Variants in PUS10 observed in about 807,000 individuals in gnomAD.
The protein encoded by PUS10 is tRNA pseudouridine synthase Pus10.
In PUS10, 59 loss-of-function variants were observed where a neutral mutation model predicts 75.0. That is an observed-to-expected ratio of 0.79 (90% confidence interval 0.64 to 0.98). PUS10 has a LOEUF of 0.98. PUS10 is among the 50% of genes least tolerant of loss of function. The pLI, the probability that PUS10 is intolerant of heterozygous loss-of-function variation, is 0.00. For synonymous variants in PUS10, 219 were observed against 211.6 expected (o/e 1.03, Z -0.30); for missense variants, 650 against 614.4 (o/e 1.06, Z -0.61).
chr2:61,003,506 G>A (rs997765676), intron 4 of PUS10, among the ~76,000 whole-genome samples: 1 of 150,790 alleles, frequency 6.6e-6, no homozygotes, highest in East Asian at 2.0e-4. Context: ...GGGATTCGTA[G>A]AACCAATAAT....
At chr2:61,006,236 G>T (rs1213300537) in intron 4 of PUS10, among the ~76,000 whole-genome samples, 3 of 152,102 alleles carry the variant, frequency 2.0e-5, no homozygotes, top group African/African-American at 7.2e-5. Flanking sequence ...AAAGATCTCT[G>T]GAAACCTAGT....
intron 4 of PUS10, among the ~76,000 whole-genome samples, chr2:60,979,105 ACATACACATACACATAC>A (rs1237149369): frequency 3.2e-5 from 1 of 31,218 alleles, no homozygotes; most frequent in Admixed American, 2.6e-4. Context: ...TTCTCCCAAC[ACATACACATACACATAC>A]ACATACACAT....
Position 60,941,468 on chromosome 2 carries a change from G to T in PUS10, c.*927C>A, listed in dbSNP as rs1674623602. 6.6e-6 allele frequency: 1 copy of T among 152,134 alleles called. No individual in the cohort carries two copies. Among genetic ancestry groups the T allele is most frequent in the Admixed American group, 6.5e-5 (1 of 15,272 alleles). The allele number at this position is 152,134 out of a possible 1,614,324, so 9.4% of individuals were successfully genotyped here. A position where few individuals can be genotyped will look rare whatever the true frequency, so the allele number is the denominator to read the frequency against. The stretch of plus-strand genomic sequence containing the variant: ...AATATAGAAGTAGCTAACAATTTTG[G>T]ATAAGTCATTTAACTTCTAGTCTTT... On this transcript the variant is annotated 3_prime_UTR_variant, in exon 18 of 18. Transcript: ENST00000316752.
intron 9 of PUS10, 35 bp from the exon 10 acceptor site, chr2:60,961,583 AG>A (rs1445888600): frequency 2.6e-6 from 4 of 1,539,692 alleles, no homozygotes; most frequent in Admixed American, 1.7e-5. Context: ...GCTATTTTCC[AG>A]ACATAATATT....
intron 4 of PUS10, among the ~76,000 whole-genome samples, chr2:60,999,048 AATGGACTAAGC>A (rs570808146): frequency 9.7e-4 from 148 of 152,362 alleles, no homozygotes; most frequent in Non-Finnish European, 1.6e-3. Flanking sequence ...ATTTAAAGTC[AATGGACTAAGC>A]AAACTGTTTC....
chr2:60,979,467 G>A (rs916331479), intron 4 of PUS10, among the ~76,000 whole-genome samples: 1 of 152,026 alleles, frequency 6.6e-6, no homozygotes, highest in African/African-American at 2.4e-5. Flanking sequence ...AGAGGAAGGG[G>A]GAATATTTTC....
chr2:60,972,137 G>A (rs1299594988), intron 4 of PUS10, among the ~76,000 whole-genome samples: 1 of 143,554 alleles, frequency 7.0e-6, no homozygotes, highest in African/African-American at 2.5e-5. Flanking sequence ...CCAAAGTGCT[G>A]GGATTACAGG....
intron 11 of PUS10, among the ~76,000 whole-genome samples, chr2:60,959,658 G>A (rs973274213): frequency 2.0e-5 from 3 of 152,078 alleles, no homozygotes; most frequent in African/African-American, 7.2e-5. Flanking sequence ...CAGAGTGCTG[G>A]GATTGCAGGT....
chr2:60,943,771 TG>T (rs1430622986), intron 17 of PUS10, among the ~76,000 whole-genome samples: 3 of 151,520 alleles, frequency 2.0e-5, no homozygotes, highest in Non-Finnish European at 4.4e-5. Flanking sequence ...CTTGTGTGTG[TG>T]TGTGTGTGTG....
At chr2:60,971,375 T>C (rs1235136279) in intron 5 of PUS10, 148 bp downstream of exon 5, 3 of 715,440 alleles carry the variant, frequency 4.2e-6, no homozygotes, top group Non-Finnish European at 5.1e-6. Context: ...ACCCTAAATG[T>C]ATAGAATAAA....
chr2:61,008,079 A>G (rs901524605), intron 3 of PUS10, among the ~76,000 whole-genome samples: 1 of 147,092 alleles, frequency 6.8e-6, no homozygotes, highest in Non-Finnish European at 1.5e-5. Flanking sequence ...TCTGTCTCCA[A>G]AAAAAAAAAA....
chr2:61,005,012 T>C (rs932470953), intron 4 of PUS10, among the ~76,000 whole-genome samples: 12 of 152,196 alleles, frequency 7.9e-5, no homozygotes, highest in African/African-American at 2.7e-4. Context: ...CCCAGCACTC[T>C]GGGAGGCCGA....
intron 4 of PUS10, among the ~76,000 whole-genome samples, chr2:60,989,425 G>C (rs1464311663): frequency 6.6e-6 from 1 of 152,132 alleles, no homozygotes; most frequent in African/African-American, 2.4e-5. Context: ...ACTTCACTGA[G>C]TAAACATAGG....
chr2:61,008,396 C>T (rs188337721), intron 3 of PUS10, among the ~76,000 whole-genome samples: 22 of 151,710 alleles, frequency 1.5e-4, no homozygotes, highest in Admixed American at 2.6e-4. Flanking sequence ...GAGGCTGAGG[C>T]AGGACAATTG....
chr2:60,965,681 C>A, intron 6 of PUS10, 197 bp from the exon 7 acceptor site: 1 of 427,656 alleles, frequency 2.3e-6, no homozygotes, highest in South Asian at 4.4e-5. Flanking sequence ...TTTTTAACTT[C>A]TAAAACTCAG....
At chr2:61,004,628 CAAAAAAAAAAA>C (rs70959883) in intron 4 of PUS10, among the ~76,000 whole-genome samples, 1 of 67,284 alleles carries the variant, frequency 1.5e-5, no homozygotes, top group Non-Finnish European at 2.8e-5. Context: ...GACTCCGTCT[CAAAAAAAAAAA>C]AAAAAAAAAA....
intron 16 of PUS10, among the ~76,000 whole-genome samples, chr2:60,947,828 C>CAAAAAAAAAAAAAAA (rs890632119): frequency 1.1e-4 from 5 of 46,026 alleles, no homozygotes; most frequent in South Asian, 7.5e-4. Flanking sequence ...GACTCTGCCT[C>CAAAAAAAAAAAAAAA]AAAAAAAAAA....
At chr2:61,004,739 C>T (rs1679095206) in intron 4 of PUS10, among the ~76,000 whole-genome samples, 1 of 151,438 alleles carries the variant, frequency 6.6e-6, no homozygotes, top group South Asian at 2.1e-4. Context: ...GAGTATACTG[C>T]ATATAAAACT....
rs372163151 is a variant in PUS10 at position 61,011,829 on chromosome 2, C to T, written c.62G>A (p.Cys21Tyr). 1.1e-5 allele frequency: 18 copies of T among 1,610,738 alleles called. No homozygotes were observed. Among genetic ancestry groups the T allele is most frequent in the Non-Finnish European group, 1.5e-5 (18 of 1,178,234 alleles). ...ACAGAATCTGAAGATACATCTTGGA[C>T]AAGTACCAGTATTGAGCAACAACTG... ...VAQLLLNTGT[C>Y]PRCIFRFCGV... Residue 21 changes from cysteine (C) to tyrosine (Y), a missense_variant, in exon 2 of 18, where the codon TGT becomes TAT. Coordinates refer to ENST00000316752, the MANE Select transcript of PUS10 (RefSeq NM_144709.4).
Sources: allele counts gnomAD v4.1 joint callset (sites outside exome capture counted in the v4.1 genomes callset), GRCh38; gene constraint gnomAD v4.1.1; transcripts MANE v1.5; gene names NCBI Gene and HGNC (gene_info 2026-07-23, HGNC 2026-07-21).